PSD3: variants seen among roughly 807,000 people sequenced by gnomAD.
PSD3 encodes the protein pleckstrin and Sec7 domain containing 3.
A neutral mutation model predicts 105.5 loss-of-function variants in PSD3; 49 were observed. The observed-to-expected ratio is 0.46, with a 90% CI of 0.37 to 0.59. The LOEUF is 0.59. Among genes scored for constraint, PSD3 ranks in the 20% least tolerant of loss-of-function variants. PSD3 has a pLI of 0.00. For synonymous variants in PSD3, 557 were observed against 457.8 expected, an observed-to-expected ratio of 1.22 and a Z score of -2.77; for missense variants, 1,561 against 1,263.8, an observed-to-expected ratio of 1.24 and a Z score of -3.57.
chr8:18,810,426 T>A (rs1454947003), intron 4 of PSD3, among the ~76,000 whole-genome samples: 1 of 152,230 alleles, frequency 6.6e-6, no homozygotes, highest in East Asian at 1.9e-4. Context: ...CTATTGCCTG[T>A]ATAAAACAAT....
chr8:18,875,411 G>A (rs902633325), intron 2 of PSD3, among the ~76,000 whole-genome samples: 1 of 151,526 alleles, frequency 6.6e-6, no homozygotes, highest in African/African-American at 2.4e-5. Context: ...TTCCTAGGGT[G>A]GAATATTGAT....
At chr8:19,047,494 CT>C (rs1202785563) in intron 1 of PSD3, among the ~76,000 whole-genome samples, 1 of 152,076 alleles carries the variant, frequency 6.6e-6, no homozygotes, top group African/African-American at 2.4e-5. Context: ...ATGCAAACCT[CT>C]GGGAGGTAAG....
intron 1 of PSD3, among the ~76,000 whole-genome samples, chr8:18,958,919 G>GTT (rs71218911): frequency 5.5e-4 from 63 of 114,966 alleles, no homozygotes; most frequent in South Asian, 1.8e-3. Flanking sequence ...GTTAAGTGGT[G>GTT]TTTTTTTTTT....
intron 8 of PSD3, among the ~76,000 whole-genome samples, chr8:18,784,611 T>C (rs1808953429): frequency 6.6e-6 from 1 of 152,174 alleles, no homozygotes. Context: ...GGATCATCTA[T>C]CTGGGTTTAA....
At chr8:18,954,669 T>C (rs1255558014) in intron 1 of PSD3, among the ~76,000 whole-genome samples, 1 of 152,146 alleles carries the variant, frequency 6.6e-6, no homozygotes, top group African/African-American at 2.4e-5. Flanking sequence ...GTAGTATTTG[T>C]CTAGCTTCAA....
chr8:18,590,267 G>C (rs554616726), intron 12 of PSD3, among the ~76,000 whole-genome samples: 1 of 152,102 alleles, frequency 6.6e-6, no homozygotes, highest in Non-Finnish European at 1.5e-5. Flanking sequence ...GATCATCTCA[G>C]TGGTGCAAGC....
chr8:18,638,150 A>G (rs1585462926), intron 10 of PSD3, among the ~76,000 whole-genome samples: 1 of 130,750 alleles, frequency 7.6e-6, no homozygotes, highest in Non-Finnish European at 1.6e-5. Context: ...GCGAGATTCC[A>G]TCTCAAAAAA....
intron 9 of PSD3, among the ~76,000 whole-genome samples, chr8:18,752,528 AAT>A (rs574437361): frequency 4.9e-4 from 24 of 49,376 alleles, no homozygotes; most frequent in East Asian, 3.7e-3. Context: ...TAATATATAT[AAT>A]TATATATTAT....
chr8:18,677,281 A>T (rs1800111893), intron 9 of PSD3, among the ~76,000 whole-genome samples: 1 of 152,182 alleles, frequency 6.6e-6, no homozygotes, highest in South Asian at 2.1e-4. Flanking sequence ...TAGGTTTCCT[A>T]ACAAAAATAA....
Position 18,699,655 on chromosome 8 carries a change from G to A in PSD3, c.2173-43970C>T, listed in dbSNP as rs146785430. Among the ~76,000 whole-genome samples, 97 of 152,186 alleles carry A rather than the reference G, an allele frequency of 6.4e-4. No homozygotes were observed. The East Asian group carries it at 0.017, about 27-fold the overall frequency. On this transcript the variant is annotated intron_variant, in intron 9 of 15. Transcript: ENST00000327040. ...ATTTCTGGTAAAAATTTCAGGTAGC[G>A]TAAAGACTGCTGGGCAATACAGGAA...
At chr8:18,840,580 T>A (rs1814537944) in intron 4 of PSD3, among the ~76,000 whole-genome samples, 1 of 152,236 alleles carries the variant, frequency 6.6e-6, no homozygotes, top group South Asian at 2.1e-4. Flanking sequence ...ACAACAATCC[T>A]GCGAAGTAGG....
chr8:18,859,577 G>C (rs1224730135), intron 4 of PSD3, among the ~76,000 whole-genome samples: 1 of 152,198 alleles, frequency 6.6e-6, no homozygotes, highest in African/African-American at 2.4e-5. Context: ...GTGTTGTTTA[G>C]TGTAGCTAGC....
intron 1 of PSD3, among the ~76,000 whole-genome samples, chr8:19,052,093 G>T (rs1828549103): frequency 6.6e-6 from 1 of 152,232 alleles, no homozygotes; most frequent in African/African-American, 2.4e-5. Flanking sequence ...AGCAAGATTG[G>T]ATGGAAGCAA....
At chr8:18,841,187 C>G (rs190131717) in intron 4 of PSD3, among the ~76,000 whole-genome samples, 1 of 152,214 alleles carries the variant, frequency 6.6e-6, no homozygotes, top group South Asian at 2.1e-4. Flanking sequence ...AGTAACCACA[C>G]TAATTGGATG....
chr8:18,656,839 C>T (rs533126442), intron 9 of PSD3, among the ~76,000 whole-genome samples: 1 of 152,348 alleles, frequency 6.6e-6, no homozygotes, highest in African/African-American at 2.4e-5. Flanking sequence ...CCTGCCTCAG[C>T]TTCCTGAACA....
At chr8:18,576,772 T>G (rs1011174883) in intron 12 of PSD3, among the ~76,000 whole-genome samples, 1 of 152,094 alleles carries the variant, frequency 6.6e-6, no homozygotes, top group African/African-American at 2.4e-5. Context: ...GGAGAAATGA[T>G]GAGGGCCAAA....
At chr8:18,851,514 G>C (rs1004103803) in intron 4 of PSD3, among the ~76,000 whole-genome samples, 3 of 152,208 alleles carry the variant, frequency 2.0e-5, no homozygotes, top group Non-Finnish European at 4.4e-5. Context: ...CCTCTGCTAC[G>C]AGGCAAGCTC....
At chr8:18,806,514 T>C (rs754389717) in intron 4 of PSD3, among the ~76,000 whole-genome samples, 3 of 152,214 alleles carry the variant, frequency 2.0e-5, no homozygotes, top group Admixed American at 6.5e-5. Flanking sequence ...ATGCTCATAA[T>C]AAAATGTGCT....
At chr8:18,865,268 ATATATATATATATATATATT>A (rs1816812010) in intron 4 of PSD3, 1 of 2,648 alleles carries the variant, frequency 3.8e-4, no homozygotes, top group African/African-American at 1.5e-3. Flanking sequence ...ATATATATAT[ATATATATATATATATATATT>A]TTTTTTTTTT....
Sources: allele counts gnomAD v4.1 joint callset (sites outside exome capture counted in the v4.1 genomes callset), GRCh38; gene constraint gnomAD v4.1.1; transcripts MANE v1.5; gene names NCBI Gene and HGNC (gene_info 2026-07-23, HGNC 2026-07-21).